The following NRDE2 variants were observed in gnomAD, a reference collection of about 807,000 sequenced individuals.
NRDE2 encodes NRDE-2, necessary for RNA interference, domain containing, also known as nuclear exosome regulator NRDE2.
Under a neutral mutation model 124.2 loss-of-function variants are expected in NRDE2, and 76 were observed. The ratio of observed to expected loss-of-function variants is 0.61; its 90% CI spans 0.51 to 0.74. The LOEUF (loss-of-function observed/expected upper bound fraction) is 0.74. Among genes scored for constraint, NRDE2 ranks in the 30% least tolerant of loss-of-function variants. The pLI is 0.00. For missense variants in NRDE2, 1,314 were observed against 1,417.3 expected (o/e 0.93, Z 1.17); for synonymous variants, 489 against 528.1 (o/e 0.93, Z 1.01).
At chr14:90,285,863 G>A (rs1041780698) in intron 12 of NRDE2, among the ~76,000 whole-genome samples, 3 of 152,048 alleles carry the variant, frequency 2.0e-5, no homozygotes, top group Non-Finnish European at 4.4e-5. Flanking sequence ...TCGAACTCCT[G>A]GGCTCAGACG....
chr14:90,290,875 G>C (rs556644002), intron 9 of NRDE2, among the ~76,000 whole-genome samples: 5 of 152,296 alleles, frequency 3.3e-5, no homozygotes, highest in Admixed American at 2.0e-4. Context: ...CCATGAACGG[G>C]TTTAAGCCAG....
chr14:90,272,100 G>T lies in NRDE2; in HGVS notation c.*6236C>A. The T allele has an allele frequency of 1.9e-6, 1 of 525,296 alleles. No homozygotes were observed. Among genetic ancestry groups the T allele is most frequent in the Non-Finnish European group, 3.3e-6 (1 of 300,838 alleles). 32.5% of individuals were successfully genotyped at this position (525,296 alleles called of 1,614,324 possible). ...GTAGAGATGGGGTTTCACCGTGTTG[G>T]CCAGGCTGGTCTTGAACTCCTGACC... On this transcript the variant is annotated 3_prime_UTR_variant, in exon 14 of 14. Coordinates refer to ENST00000354366, the MANE Select transcript of NRDE2 (RefSeq NM_017970.4). The surrounding 1 kb of genome is among the most constrained non-coding windows in gnomAD (Gnocchi z 4.5).
chr14:90,268,456 A>G lies in NRDE2; in HGVS notation c.*9880T>C, dbSNP rs748253268. The G allele has an allele frequency of 1.3e-6, 2 of 1,579,346 alleles. No individual in the cohort carries two copies. The highest frequency in any genetic ancestry group is 1.7e-6 in the Non-Finnish European group (2 of 1,151,258). On this transcript the variant is annotated 3_prime_UTR_variant, in exon 14 of 14. Transcript: ENST00000354366. Reference sequence around the variant, plus strand: ...TATTTTGCCTTGTTTAGTAGGGAACACCGCATAGCTCTTCTCTTGAGAATG... The same window carrying G: ...TATTTTGCCTTGTTTAGTAGGGAACGCCGCATAGCTCTTCTCTTGAGAATG...
In NRDE2 at chr14:90,302,983, A is replaced by G. The variant is rs1360851543; in HGVS notation, c.1148T>C (p.Leu383Pro). ...AIESNQSSVD[L>P]KLAKLKLCTE... The stretch of plus-strand genomic sequence containing the variant: ...GCAGAGCTTCAGCTTGGCCAGTTTC[A>G]GATCCACACTGCTCTGGTTGCTCTC... Residue 383 changes from leucine (L) to proline (P), a missense_variant, in exon 6 of 14, where the codon CTG becomes CCG. By Grantham distance (98) the Leu-to-Pro change is moderately conservative. Transcript: ENST00000354366. 6.2e-7 allele frequency: 1 copy of G among 1,613,934 alleles called. No homozygotes were observed. Among genetic ancestry groups the G allele is most frequent in the African/African-American group, 1.3e-5 (1 of 74,922 alleles).
In NRDE2 at chr14:90,270,533, G is replaced by A; in HGVS notation, c.*7803C>T. ...GCTTGATATTGAAGTCATTCTTAAT[G>A]CATCATTTTATGCAGTGAATGACGC... On this transcript the variant is annotated 3_prime_UTR_variant, in exon 14 of 14. Transcript: ENST00000354366. 1.5e-6 allele frequency: 1 copy of A among 663,512 alleles called. No homozygotes were observed. The allele number at this position is 663,512 out of a possible 1,614,324, so 41.1% of individuals were successfully genotyped here.
At chr14:90,310,518 GCC>G (rs1300136568) in intron 4 of NRDE2, among the ~76,000 whole-genome samples, 1 of 119,190 alleles carries the variant, frequency 8.4e-6, no homozygotes, top group Admixed American at 9.8e-5. Context: ...TTTGTTGACT[GCC>G]CTTTTTTTTT....
rs557021362 is a variant in NRDE2 at position 90,323,027 on chromosome 14, T to C, written c.65-4914A>G. Among the ~76,000 whole-genome samples the C allele has an allele frequency of 2.0e-3, 299 of 152,302 alleles. 9 individuals carry two copies. The highest frequency in any genetic ancestry group is 1.1e-3 in the Non-Finnish European group (76 of 68,014). ...CTTTTGTCCTTGCAGGTTAGTAAAT[T>C]ACGAGTTGGAATGTGCCTGGAAATT... On this transcript the variant is annotated intron_variant, in intron 1 of 13. Coordinates refer to ENST00000354366, the MANE Select transcript of NRDE2 (RefSeq NM_017970.4).
In NRDE2 at chr14:90,312,529, G is replaced by T. The variant is rs371278516; in HGVS notation, c.422C>A (p.Ala141Asp). The change falls in exon 4 of 14, where the codon GCT becomes GAT. Residue 141 changes from alanine (A) to aspartate (D), a missense_variant. Coordinates refer to ENST00000354366, the MANE Select transcript of NRDE2 (RefSeq NM_017970.4). ...AAAGCGATGTCCAGTATCAGCTGCA[G>T]CATTATTTCCTTGACTGTGGGACAA... ...ESEEPNQGNN[A>D]AADTGHRFVW... is the part of the protein sequence containing the mutation. 6.2e-7 allele frequency: 1 copy of T among 1,614,128 alleles called. No homozygotes were observed. Among genetic ancestry groups the T allele is most frequent in the South Asian group, 1.1e-5 (1 of 91,082 alleles).
intron 3 of NRDE2, among the ~76,000 whole-genome samples, chr14:90,315,176 CAAAAAAAAAAAA>C (rs71117336): frequency 1.6e-4 from 5 of 31,772 alleles, no homozygotes; most frequent in African/African-American, 3.1e-4. Flanking sequence ...TACTCTGTCT[CAAAAAAAAAAAA>C]AAAAAAAAAA....
chr14:90,297,011 T>C (rs1208873878), intron 8 of NRDE2, among the ~76,000 whole-genome samples: 1 of 151,654 alleles, frequency 6.6e-6, no homozygotes, highest in Non-Finnish European at 1.5e-5. Context: ...TGGTGGTGCA[T>C]ACCTGTAATC....
At position 90,303,071 on chromosome 14, in the gene NRDE2, T is replaced by C. The variant is rs777744264; in HGVS notation, c.1060A>G (p.Lys354Glu). 2.1e-5 allele frequency: 34 copies of C among 1,613,888 alleles called. No individual in the cohort carries two copies. The highest frequency in any genetic ancestry group is 2.9e-5 in the Non-Finnish European group (34 of 1,180,032). Reference sequence around the variant, plus strand: ...ATGAGCTTCAGGGACCTCTTTCGCTTTTCCTGCTCTCCTTCCTCGATGGCA... The same window carrying C: ...ATGAGCTTCAGGGACCTCTTTCGCTCTTCCTGCTCTCCTTCCTCGATGGCA... ...LYAIEEGEQEKRKRSLKLILE... is the reference protein window; with the variant it reads ...LYAIEEGEQEERKRSLKLILE... Residue 354 changes from lysine (K) to glutamate (E), a missense_variant, in exon 6 of 14, where the codon AAG becomes GAG. Physicochemically the swap from Lys to Glu is moderately conservative, Grantham distance 56. Coordinates refer to ENST00000354366, the MANE Select transcript of NRDE2 (RefSeq NM_017970.4).
chr14:90,298,131 G>A lies in NRDE2; in HGVS notation c.1666+129C>T, dbSNP rs3742670. On this transcript the variant is annotated intron_variant, in intron 8 of 13. Coordinates refer to ENST00000354366, the MANE Select transcript of NRDE2 (RefSeq NM_017970.4). ...CCCATGACATCTACTTAACATTTTT[G>A]ACATTTTGATGTTTGTGCAATATTC... is the stretch of plus-strand genomic sequence containing the variant. 69 of 1,015,130 alleles carry A rather than the reference G, an allele frequency of 6.8e-5. 1 individual carries two copies. The East Asian group carries it at 1.6e-3, about 24-fold the overall frequency. 62.9% of individuals were successfully genotyped at this position (1,015,130 alleles called of 1,614,324 possible). A position where few individuals can be genotyped will look rare whatever the true frequency, so the allele number is the denominator to read the frequency against.
intron 6 of NRDE2, 84 bp from the exon 7 acceptor site, chr14:90,301,456 C>A: frequency 7.5e-7 from 1 of 1,332,168 alleles, no homozygotes; most frequent in Non-Finnish European, 1.0e-6. Flanking sequence ...AGGCAATTAA[C>A]ACATTGAGAA....
intron 3 of NRDE2, among the ~76,000 whole-genome samples, chr14:90,315,516 C>T (rs1221935232): frequency 6.6e-6 from 1 of 152,140 alleles, no homozygotes; most frequent in Non-Finnish European, 1.5e-5. Flanking sequence ...AGCAATAATT[C>T]AGGTAGTTTC....
At position 90,269,349 on chromosome 14, in the gene NRDE2, C is replaced by T; in HGVS notation, c.*8987G>A. ...GGTCTTTGCTGTAATTCCCCTTGAG[C>T]AGGCGATCAGTTGAGTCTTCATTCC... is the stretch of plus-strand genomic sequence containing the variant. On this transcript the variant is annotated 3_prime_UTR_variant, in exon 14 of 14. Transcript: ENST00000354366. 1 of 1,517,044 alleles carries T rather than the reference C, an allele frequency of 6.6e-7. No homozygotes were observed. Among genetic ancestry groups the T allele is most frequent in the East Asian group, 2.3e-5 (1 of 43,860 alleles). The allele number at this position is 1,517,044 out of a possible 1,614,324, so 94.0% of individuals were successfully genotyped here.
At chr14:90,296,983 T>C (rs1420137776) in intron 8 of NRDE2, among the ~76,000 whole-genome samples, 1 of 151,628 alleles carries the variant, frequency 6.6e-6, no homozygotes, top group African/African-American at 2.4e-5. Context: ...CTACTAAAAA[T>C]ACAAAATTAG....
At chr14:90,295,492 C>T (rs887502415) in intron 8 of NRDE2, among the ~76,000 whole-genome samples, 4 of 152,032 alleles carry the variant, frequency 2.6e-5, no homozygotes, top group African/African-American at 7.2e-5. Flanking sequence ...CTTTAATCAC[C>T]CTGAAAAACT....
intron 9 of NRDE2, among the ~76,000 whole-genome samples, chr14:90,291,195 A>C (rs1362972221): frequency 6.6e-6 from 1 of 152,234 alleles, no homozygotes; most frequent in African/African-American, 2.4e-5. Context: ...AAATGTCTAC[A>C]GCTGAGTTCA....
At chr14:90,278,958 G>T in intron 13 of NRDE2, 104 bp downstream of exon 13, 1 of 806,866 alleles carries the variant, frequency 1.2e-6, no homozygotes, top group South Asian at 1.5e-5. Flanking sequence ...TCCATGAGCC[G>T]AGCATCCCCG....
Sources: gnomAD v4.1 joint callset for allele counts (sites outside exome capture counted in the v4.1 genomes callset) on GRCh38, gnomAD v4.1.1 for gene constraint, Gnocchi (gnomAD v3.1) non-coding constraint, MANE v1.5 for transcripts, NCBI Gene and HGNC (gene_info 2026-07-23, HGNC 2026-07-21) for gene names.